GRXCR2: variants seen among roughly 807,000 people sequenced by gnomAD.
The protein encoded by GRXCR2 is glutaredoxin domain-containing cysteine-rich protein 2.
GRXCR2 carries 23 observed loss-of-function variants against 24.8 expected under a neutral mutation model. The observed-to-expected ratio is 0.93, with a 90% CI of 0.67 to 1.32. The LOEUF is 1.32. Ranked by LOEUF, GRXCR2 falls within the 40% of genes most tolerant of loss-of-function variation. The pLI, the probability that GRXCR2 is intolerant of heterozygous loss-of-function variation, is 0.00. For synonymous variants in GRXCR2, 130 were observed against 116.1 expected (o/e 1.12, Z -0.77); for missense variants, 315 against 303.4 (o/e 1.04, Z -0.28).
chr5:145,869,501 C>T (rs1359451293), intron 1 of GRXCR2, among the ~76,000 whole-genome samples: 2 of 151,956 alleles, frequency 1.3e-5, no homozygotes, highest in Non-Finnish European at 2.9e-5. Flanking sequence ...GGGTAACATT[C>T]GCTAAGCACA....
intron 2 of GRXCR2, among the ~76,000 whole-genome samples, chr5:145,920,439 A>G (rs541025980): frequency 1.3e-3 from 192 of 152,284 alleles, no homozygotes; most frequent in African/African-American, 4.2e-3. Context: ...AATCCTCACA[A>G]TGACTGTGGA....
chr5:145,879,539 C>T (rs548564297), intron 2 of GRXCR2, among the ~76,000 whole-genome samples: 10 of 152,116 alleles, frequency 6.6e-5, no homozygotes, highest in Non-Finnish European at 1.5e-4. Flanking sequence ...CAGGAACAAC[C>T]AGATTGATAA....
chr5:145,858,687 T>C lies in GRXCR2; in HGVS notation c.*1046A>G, dbSNP rs1270122230. 2.0e-5 allele frequency: 3 copies of C among 152,172 alleles called. No homozygotes were observed. The highest frequency in any genetic ancestry group is 7.2e-5 in the African/African-American group (3 of 41,434). The allele number at this position is 152,172 out of a possible 1,614,324, so 9.4% of individuals were successfully genotyped here. A position where few individuals can be genotyped will look rare whatever the true frequency, so the allele number is the denominator to read the frequency against. On this transcript the variant is annotated 3_prime_UTR_variant, in exon 3 of 3. Coordinates refer to ENST00000377976, the MANE Select transcript of GRXCR2 (RefSeq NM_001080516.2). ...AATGCAGCAGGTCTCAAGAGATAAA[T>C]TTTGCAGTGTTATTCTTAAGGGGCT...
chr5:145,913,833 T>C lies in GRXCR2; in HGVS notation c.-70+21868A>G, dbSNP rs183073377. On this transcript the variant is annotated intron_variant, in intron 2 of 3. Transcript: ENST00000639411. ...TGAGACCATGCCTAGCTGGGGACAA[T>C]AATCTTTAAAAAAATAAAATAAAAT... Among the ~76,000 whole-genome samples, 428 of 152,214 alleles carry C rather than the reference T, an allele frequency of 2.8e-3. 2 individuals are homozygous for C. Among genetic ancestry groups the C allele is most frequent in the African/African-American group, 0.01 (418 of 41,546 alleles).
intron 2 of GRXCR2, among the ~76,000 whole-genome samples, chr5:145,899,696 G>A (rs765915499): frequency 2.0e-5 from 3 of 152,098 alleles, no homozygotes; most frequent in Admixed American, 2.0e-4. Context: ...TGCTGGGAGA[G>A]CTTGCTAGCC....
At chr5:145,867,079 T>C (rs981438374) in intron 1 of GRXCR2, among the ~76,000 whole-genome samples, 1 of 152,208 alleles carries the variant, frequency 6.6e-6, no homozygotes, top group Non-Finnish European at 1.5e-5. Flanking sequence ...GGACACTTTT[T>C]CATTTTATAT....
At chr5:145,925,339 C>T (rs1024068099) in intron 2 of GRXCR2, among the ~76,000 whole-genome samples, 6 of 152,156 alleles carry the variant, frequency 3.9e-5, no homozygotes, top group African/African-American at 1.4e-4. Flanking sequence ...ATCTTTTGAG[C>T]ACTTTCTATG....
intron 2 of GRXCR2, among the ~76,000 whole-genome samples, chr5:145,895,785 A>G (rs1259292787): frequency 1.3e-5 from 2 of 152,200 alleles, no homozygotes; most frequent in South Asian, 2.1e-4. Flanking sequence ...AAACTACTTT[A>G]AAGTTCGTAT....
chr5:145,918,873 C>A (rs1214085756), intron 2 of GRXCR2, among the ~76,000 whole-genome samples: 1 of 152,186 alleles, frequency 6.6e-6, no homozygotes, highest in Non-Finnish European at 1.5e-5. Flanking sequence ...CCTGGGACCT[C>A]ACACCCTGGA....
intron 2 of GRXCR2, among the ~76,000 whole-genome samples, chr5:145,902,994 C>T (rs1025282385): frequency 5.3e-5 from 8 of 152,166 alleles, no homozygotes; most frequent in Non-Finnish European, 8.8e-5. Context: ...ATGCATTATG[C>T]AGCTTTTAAA....
Position 145,859,819 on chromosome 5 carries a change from T to C in GRXCR2, c.661A>G (p.Asn221Asp). 1 of 1,614,080 alleles carries C rather than the reference T, an allele frequency of 6.2e-7. No individual in the cohort carries two copies. Among genetic ancestry groups the C allele is most frequent in the East Asian group, 2.2e-5 (1 of 44,890 alleles). ...CHGSKFSMLA[N>D]RFKESYRALR... is the part of the protein sequence containing the mutation. Reference sequence around the variant, plus strand: ...GCCCGATAGGACTCCTTAAATCTGTTGGCCAGCATCGAGAACTTGCTGCCG... The same window carrying C: ...GCCCGATAGGACTCCTTAAATCTGTCGGCCAGCATCGAGAACTTGCTGCCG... Residue 221 changes from asparagine to aspartate, a missense_variant, in exon 3 of 3, where the codon AAC (asparagine) becomes GAC (aspartate). By Grantham distance (23) the Asn-to-Asp change is conservative. Transcript: ENST00000377976.
intron 2 of GRXCR2, among the ~76,000 whole-genome samples, chr5:145,929,534 G>C (rs904852392): frequency 2.0e-5 from 3 of 151,916 alleles, no homozygotes; most frequent in Non-Finnish European, 2.9e-5. Flanking sequence ...AACCATAATA[G>C]ATTATAAAAA....
intron 2 of GRXCR2, among the ~76,000 whole-genome samples, chr5:145,924,537 C>T (rs961842127): frequency 3.9e-5 from 6 of 152,200 alleles, no homozygotes; most frequent in Middle Eastern, 3.4e-3. Context: ...CTCTACTGAA[C>T]GGAACCAAAA....
chr5:145,884,997 C>T (rs1756758058), intron 2 of GRXCR2, among the ~76,000 whole-genome samples: 1 of 152,010 alleles, frequency 6.6e-6, no homozygotes, highest in Non-Finnish European at 1.5e-5. Context: ...TATCCTTTAG[C>T]GATCTTTCCA....
In GRXCR2 at chr5:145,866,660, T is replaced by G; in HGVS notation, c.405A>C (p.Pro135=). Residue 135 remains proline, a synonymous_variant, in exon 2 of 3, where the codon CCA becomes CCC. Transcript: ENST00000377976. The part of the protein sequence containing the change: ...YTNNLKIIRT[P]MDKRDFVRKI... Reference sequence around the variant, plus strand: ...TCCTCACAAAATCTCTCTTGTCCATTGGGGTTCGAATGATTTTCAGGTTAT... The same window carrying G: ...TCCTCACAAAATCTCTCTTGTCCATGGGGGTTCGAATGATTTTCAGGTTAT... 1 of 1,613,884 alleles carries G rather than the reference T, an allele frequency of 6.2e-7. No individual in the cohort carries two copies. Among genetic ancestry groups the G allele is most frequent in the Non-Finnish European group, 8.5e-7 (1 of 1,179,780 alleles).
chr5:145,867,279 G>T (rs888786263), intron 1 of GRXCR2, among the ~76,000 whole-genome samples: 20 of 152,112 alleles, frequency 1.3e-4, no homozygotes, highest in African/African-American at 4.3e-4. Flanking sequence ...ACTCAGTGGG[G>T]TTAAGTGCCC....
upstream of GRXCR2, among the ~76,000 whole-genome samples, chr5:145,876,212 TATATACAC>T (rs1358799904): frequency 1.1e-3 from 154 of 140,016 alleles, 1 homozygote; most frequent in African/African-American, 3.5e-3. Context: ...TATATATATA[TATATACAC>T]ACACACACAC....
intron 2 of GRXCR2, among the ~76,000 whole-genome samples, chr5:145,898,659 T>TA (rs2149921803): frequency 6.6e-6 from 1 of 152,034 alleles, no homozygotes; most frequent in South Asian, 2.1e-4. Context: ...ATTCACCACA[T>TA]AAAAAATTAA....
upstream of GRXCR2, among the ~76,000 whole-genome samples, chr5:145,875,824 G>A (rs1241714267): frequency 6.6e-6 from 1 of 152,116 alleles, no homozygotes; most frequent in African/African-American, 2.4e-5. Context: ...TGGCAGCCAG[G>A]TGTCCCCCAG....
Sources: allele counts gnomAD v4.1 joint callset (sites outside exome capture counted in the v4.1 genomes callset), GRCh38; gene constraint gnomAD v4.1.1; transcripts MANE v1.5; gene names NCBI Gene and HGNC (gene_info 2026-07-23, HGNC 2026-07-21).